SEPTIN12: variants seen among roughly 807,000 people sequenced by gnomAD.
SEPTIN12 encodes septin-12.
SEPTIN12 carries 42 observed loss-of-function variants against 37.7 expected under a neutral mutation model. The observed-to-expected ratio is 1.11, with a 90% CI of 0.87 to 1.44. SEPTIN12 has a LOEUF of 1.44. SEPTIN12 is among the 40% of genes most tolerant of loss of function. The probability of loss-of-function intolerance (pLI) is 0.00; values close to 1 mark genes in which losing one functional copy is unlikely to be tolerated. For missense variants in SEPTIN12, 613 were observed against 479.2 expected, an observed-to-expected ratio of 1.28 and a Z score of -2.61; for synonymous variants, 254 against 196.7, an observed-to-expected ratio of 1.29 and a Z score of -2.44.
chr16:4,786,441 G>A (rs1047979216), intron 2 of SEPTIN12, among the ~76,000 whole-genome samples: 2 of 147,508 alleles, frequency 1.4e-5, no homozygotes, highest in African/African-American at 2.5e-5. Context: ...TGCAAGCTCC[G>A]CCTCCCAGAT....
chr16:4,778,339 C>G (rs966874564), intron 8 of SEPTIN12, among the ~76,000 whole-genome samples: 8 of 152,210 alleles, frequency 5.3e-5, no homozygotes, highest in African/African-American at 1.9e-4. Context: ...CTACAAATAG[C>G]TGTAGAATGA....
intron 8 of SEPTIN12, among the ~76,000 whole-genome samples, chr16:4,778,828 A>G (rs1295150089): frequency 6.7e-6 from 1 of 149,396 alleles, no homozygotes; most frequent in Non-Finnish European, 1.5e-5. Context: ...AGTATAGAAT[A>G]TTTCTAATAA....
At chr16:4,778,192 C>T (rs2082334997) in intron 8 of SEPTIN12, 55 bp from the exon 9 acceptor site, 4 of 1,540,680 alleles carry the variant, frequency 2.6e-6, no homozygotes, top group Admixed American at 1.7e-5. Context: ...GAGTAAGTGC[C>T]TACTGTATGC....
upstream of SEPTIN12, among the ~76,000 whole-genome samples, chr16:4,789,617 C>T (rs1567579815): frequency 1.3e-5 from 2 of 152,222 alleles, no homozygotes; most frequent in Admixed American, 6.5e-5. Flanking sequence ...TTAGCCCCTG[C>T]GCCCAGCCCT....
chr16:4,778,085 C>A lies in SEPTIN12; in HGVS notation c.875+1G>T. 2 of 1,614,168 alleles carry A rather than the reference C, an allele frequency of 1.2e-6. No individual in the cohort carries two copies. Among genetic ancestry groups the A allele is most frequent in the East Asian group, 2.2e-5 (1 of 44,886 alleles). On this transcript the variant is annotated splice_donor_variant, in intron 9 of 9. Coordinates refer to ENST00000268231, the MANE Select transcript of SEPTIN12 (RefSeq NM_144605.5). LOFTEE classifies it high-confidence loss of function. Reference sequence around the variant, plus strand: ...TAGCCCCAGGCTCCCCACACCCTCACCGGATAAGCAGGTCTCTCAGGAGAG... The same window carrying A: ...TAGCCCCAGGCTCCCCACACCCTCAACGGATAAGCAGGTCTCTCAGGAGAG...
chr16:4,788,985 C>G (rs1007062752), upstream of SEPTIN12, among the ~76,000 whole-genome samples: 2 of 152,194 alleles, frequency 1.3e-5, no homozygotes, highest in Non-Finnish European at 2.9e-5. Context: ...GTGGTCCTCA[C>G]CCCTGCCTTA....
chr16:4,783,050 G>A (rs1214619393), intron 7 of SEPTIN12, among the ~76,000 whole-genome samples: 1 of 151,818 alleles, frequency 6.6e-6, no homozygotes, highest in Non-Finnish European at 1.5e-5. Context: ...TGGGACTAAA[G>A]GCGTGCACCA....
At chr16:4,786,385 C>T (rs535976413) in intron 2 of SEPTIN12, among the ~76,000 whole-genome samples, 9 of 147,868 alleles carry the variant, frequency 6.1e-5, no homozygotes, top group East Asian at 2.0e-4. Context: ...GACGCAGTCT[C>T]GCTCTGTCAC....
chr16:4,779,595 T>C lies in SEPTIN12; in HGVS notation c.823+95A>G, dbSNP rs527674341. The C allele has an allele frequency of 5.6e-5, 45 of 805,584 alleles. No homozygotes were observed. The East Asian group carries it at 6.6e-4, about 12-fold the overall frequency. The allele number at this position is 805,584 out of a possible 1,614,324, so 49.9% of individuals were successfully genotyped here. On this transcript the variant is annotated intron_variant, in intron 8 of 9. Transcript: ENST00000268231. ...GGCTCTTTGTCTAGTGGGCTTCACC[T>C]TTCTGTGCCCTGTGATGGGTGCGAA...
At chr16:4,786,208 C>CT in intron 2 of SEPTIN12, 103 bp from the exon 3 acceptor site, 1 of 1,421,992 alleles carries the variant, frequency 7.0e-7, no homozygotes, top group South Asian at 1.4e-5. Flanking sequence ...GGTTCTCACT[C>CT]TGTCACCCAG....
chr16:4,786,178 C>A (rs2082441630), intron 2 of SEPTIN12, 73 bp from the exon 3 acceptor site: 9 of 1,511,246 alleles, frequency 6.0e-6, no homozygotes, highest in Non-Finnish European at 7.1e-6. Context: ...CTTTACTTTT[C>A]TATTTTATTT....
chr16:4,780,495 C>A (rs1015208044), intron 7 of SEPTIN12, among the ~76,000 whole-genome samples: 8 of 152,312 alleles, frequency 5.3e-5, no homozygotes, highest in African/African-American at 1.9e-4. Context: ...ATCATCACAA[C>A]AGAGACCCTA....
upstream of SEPTIN12, among the ~76,000 whole-genome samples, chr16:4,791,526 G>A (rs2082551045): frequency 6.6e-6 from 1 of 152,096 alleles, no homozygotes. Flanking sequence ...GTATACTGAG[G>A]CAGAAGGGCT....
chr16:4,780,346 C>G (rs1235164177), intron 7 of SEPTIN12, among the ~76,000 whole-genome samples: 6 of 151,984 alleles, frequency 3.9e-5, no homozygotes, highest in Non-Finnish European at 7.4e-5. Context: ...CCTCTGCCTT[C>G]CAAAGTGGTG....
chr16:4,783,489 A>T lies in SEPTIN12; in HGVS notation c.699T>A (p.Asn233Lys). 6.2e-7 allele frequency: 1 copy of T among 1,614,078 alleles called. No homozygotes were observed. Among genetic ancestry groups the T allele is most frequent in the Non-Finnish European group, 8.5e-7 (1 of 1,180,000 alleles). ...GTAACTTGCTGTTGAGGATTTTGTCATTGATGTCCTCGTCAAAGCACATCT... is the reference window on the plus strand; with the variant it reads ...GTAACTTGCTGTTGAGGATTTTGTCTTTGATGTCCTCGTCAAAGCACATCT... ...YPQMCFDEDINDKILNSKLRD... is the reference protein window; with the variant it reads ...YPQMCFDEDIKDKILNSKLRD... Residue 233 changes from asparagine to lysine, a missense_variant, in exon 7 of 10, where the codon AAT (asparagine) becomes AAA (lysine). Asn to Lys is a moderately conservative substitution (Grantham distance 94). Transcript: ENST00000268231.
chr16:4,787,933 G>A, intron 1 of SEPTIN12: 2 of 351,712 alleles, frequency 5.7e-6, no homozygotes, highest in South Asian at 4.4e-5. Context: ...CCCAGGCAGG[G>A]GCCTCTCAGG....
chr16:4,784,175 C>T (rs937761537), intron 4 of SEPTIN12, 107 bp from the exon 5 acceptor site: 1 of 1,322,938 alleles, frequency 7.6e-7, no homozygotes, highest in Non-Finnish European at 1.1e-6. Flanking sequence ...GACGAATCGT[C>T]CCGGTTGGCC....
intron 1 of SEPTIN12, chr16:4,787,935 C>T: frequency 2.9e-6 from 1 of 343,102 alleles, no homozygotes; most frequent in Non-Finnish European, 5.4e-6. Context: ...CAGGCAGGGG[C>T]CTCTCAGGTC....
In SEPTIN12 at chr16:4,783,761, C is replaced by G; in HGVS notation, c.518G>C (p.Arg173Pro). 1 of 1,613,570 alleles carries G rather than the reference C, an allele frequency of 6.2e-7. No individual in the cohort carries two copies. ...YFVPPTGHCL[R>P]PLDIEFLQRL... The stretch of plus-strand genomic sequence containing the variant: ...CTGCAGGAACTCAATGTCCAGGGGC[C>G]GCAGGCTGCCGGAGGCAGGGCAGTG... Residue 173 changes from arginine to proline, a missense_variant, in exon 6 of 10, where the codon CGG (arginine) becomes CCG (proline). By Grantham distance (103) the Arg-to-Pro change is moderately radical (BLOSUM62 -2). Transcript: ENST00000268231.
Sources: allele counts gnomAD v4.1 joint callset (sites outside exome capture counted in the v4.1 genomes callset), GRCh38; gene constraint gnomAD v4.1.1; transcripts MANE v1.5; gene names NCBI Gene and HGNC (gene_info 2026-07-23, HGNC 2026-07-21).